NELL1: variants seen among roughly 807,000 people sequenced by gnomAD.
NELL1 encodes the protein protein kinase C-binding protein NELL1.
NELL1 carries 76 observed loss-of-function variants against 107.4 expected under a neutral mutation model. The observed-to-expected ratio is 0.71, with a 90% CI of 0.59 to 0.86. The LOEUF is 0.86. Ranked by LOEUF, NELL1 falls within the 40% of genes least tolerant of loss-of-function variation. NELL1 has a pLI of 0.00. For missense variants in NELL1, 1,024 were observed against 1,005.5 expected (o/e 1.02, Z -0.25); for synonymous variants, 353 against 341.2 (o/e 1.03, Z -0.38).
At chr11:20,928,511 C>G (rs775260354) in intron 9 of NELL1, 32 bp downstream of exon 9, 34 of 1,524,102 alleles carry the variant, frequency 2.2e-5, no homozygotes, top group African/African-American at 5.5e-5. Context: ...GACTGGCTGT[C>G]TGTGTTTTGA....
intron 13 of NELL1, among the ~76,000 whole-genome samples, chr11:21,131,225 A>G (rs1020802893): frequency 6.6e-6 from 1 of 152,178 alleles, no homozygotes; most frequent in Non-Finnish European, 1.5e-5. Context: ...TTTAATTTAT[A>G]TTATCTATAA....
At chr11:20,835,173 T>C (rs1435735477) in intron 3 of NELL1, among the ~76,000 whole-genome samples, 1 of 152,232 alleles carries the variant, frequency 6.6e-6, no homozygotes, top group Non-Finnish European at 1.5e-5. Context: ...AGCTTCTTTT[T>C]GAAACGTTCT....
At chr11:21,467,487 GAA>G (rs1174668113) in intron 15 of NELL1, among the ~76,000 whole-genome samples, 3 of 152,010 alleles carry the variant, frequency 2.0e-5, no homozygotes, top group Non-Finnish European at 2.9e-5. Context: ...TCAACTGTAA[GAA>G]AAAGTGTTGG....
In NELL1 at chr11:21,085,040, A is replaced by G. The variant is rs1357890798; in HGVS notation, c.1301-28549A>G. ...TTTTATGGTGTAGGAATTAAAGGTG[A>G]TAATTCATACAATATATTTATAACA... On this transcript the variant is annotated intron_variant, in intron 12 of 19. Coordinates refer to ENST00000357134, the MANE Select transcript of NELL1 (RefSeq NM_006157.5). 2.0e-5 allele frequency among the ~76,000 whole-genome samples: 3 copies of G among 152,226 alleles called. No individual in the cohort carries two copies. The East Asian group carries it at 5.8e-4, about 29-fold the overall frequency.
At chr11:20,933,071 C>T (rs1850651410) in intron 9 of NELL1, among the ~76,000 whole-genome samples, 1 of 152,184 alleles carries the variant, frequency 6.6e-6, no homozygotes, top group East Asian at 1.9e-4. Context: ...GGTTTTGGTA[C>T]TGCAATCAAG....
chr11:20,972,174 A>T (rs1448439919), intron 12 of NELL1, among the ~76,000 whole-genome samples: 1 of 152,220 alleles, frequency 6.6e-6, no homozygotes, highest in Admixed American at 6.5e-5. Context: ...ACCTGTACAT[A>T]TATCCCAGAA....
intron 3 of NELL1, among the ~76,000 whole-genome samples, chr11:20,790,170 A>T (rs1420317534): frequency 6.6e-6 from 1 of 152,158 alleles, no homozygotes; most frequent in Non-Finnish European, 1.5e-5. Flanking sequence ...GGAGCCAGCC[A>T]CTTCCACCCA....
In NELL1 at chr11:20,687,040, T is replaced by C. The variant is rs182228771; in HGVS notation, c.184+8980T>C. ...TCTGGTCTGTTTTGGGATCTCTCTC[T>C]CTCTCTTTTTTTTTTTTTCAAATTT... On this transcript the variant is annotated intron_variant, in intron 2 of 19. Coordinates refer to ENST00000357134, the MANE Select transcript of NELL1 (RefSeq NM_006157.5). Among the ~76,000 whole-genome samples, 597 of 121,250 alleles carry C rather than the reference T, an allele frequency of 4.9e-3. 6 individuals are homozygous for C. The highest frequency in any genetic ancestry group is 0.022 in the African/African-American group (580 of 26,382). The allele number at this position is 121,250 out of a possible 152,430, so 79.5% of individuals were successfully genotyped here.
intron 11 of NELL1, among the ~76,000 whole-genome samples, chr11:20,956,633 G>A (rs1482400078): frequency 8.2e-5 from 12 of 146,112 alleles, no homozygotes; most frequent in East Asian, 4.0e-4. Flanking sequence ...GCAACAGAGC[G>A]AGACTCCATC....
At chr11:21,361,971 A>C (rs1339134572) in intron 14 of NELL1, among the ~76,000 whole-genome samples, 5 of 152,090 alleles carry the variant, frequency 3.3e-5, no homozygotes, top group Non-Finnish European at 7.4e-5. Context: ...CAACCTTTCA[A>C]ATTCTTTATC....
chr11:21,242,750 A>G (rs1362594829), intron 14 of NELL1, among the ~76,000 whole-genome samples: 14 of 152,148 alleles, frequency 9.2e-5, no homozygotes, highest in Non-Finnish European at 2.1e-4. Context: ...CTCTGGCTTC[A>G]ATCAAATTAA....
chr11:20,694,617 G>T (rs1358866180), intron 2 of NELL1, among the ~76,000 whole-genome samples: 2 of 151,968 alleles, frequency 1.3e-5, no homozygotes, highest in Non-Finnish European at 2.9e-5. Context: ...CTGTTCTATT[G>T]GTCTATGTGC....
intron 4 of NELL1, among the ~76,000 whole-genome samples, chr11:20,866,879 T>C (rs990375882): frequency 6.6e-6 from 1 of 152,252 alleles, no homozygotes; most frequent in African/African-American, 2.4e-5. Context: ...CTCGAACTTA[T>C]TTTAATGCTG....
intron 12 of NELL1, among the ~76,000 whole-genome samples, chr11:21,091,895 A>G (rs548947098): frequency 6.6e-6 from 1 of 152,330 alleles, no homozygotes; most frequent in East Asian, 1.9e-4. Context: ...CCCTAAGTCA[A>G]GGACGTGTAC....
intron 15 of NELL1, among the ~76,000 whole-genome samples, chr11:21,402,021 C>A (rs1852108819): frequency 6.6e-6 from 1 of 151,706 alleles, no homozygotes; most frequent in East Asian, 2.0e-4. Flanking sequence ...TCATTTAAAT[C>A]TTAGAAAAGT....
chr11:20,679,786 C>A (rs1207639823), intron 2 of NELL1, among the ~76,000 whole-genome samples: 1 of 152,128 alleles, frequency 6.6e-6, no homozygotes, highest in Non-Finnish European at 1.5e-5. Flanking sequence ...CTAGATACTC[C>A]TAGATCCTCA....
intron 12 of NELL1, among the ~76,000 whole-genome samples, chr11:21,010,678 G>T (rs1852427241): frequency 6.6e-6 from 1 of 152,040 alleles, no homozygotes; most frequent in South Asian, 2.1e-4. Flanking sequence ...TTAAAAATAG[G>T]CTAAATAGGG....
At chr11:20,894,203 A>G (rs1849677573) in intron 5 of NELL1, among the ~76,000 whole-genome samples, 1 of 152,258 alleles carries the variant, frequency 6.6e-6, no homozygotes, top group South Asian at 2.1e-4. Context: ...AGAATACTTT[A>G]TGACCTCGAT....
At chr11:20,731,007 CTG>C (rs1855626775) in intron 2 of NELL1, among the ~76,000 whole-genome samples, 1 of 152,166 alleles carries the variant, frequency 6.6e-6, no homozygotes, top group African/African-American at 2.4e-5. Context: ...TTGTTCTTTT[CTG>C]TGATTCTAAA....
Sources: allele counts gnomAD v4.1 joint callset (sites outside exome capture counted in the v4.1 genomes callset), GRCh38; gene constraint gnomAD v4.1.1; transcripts MANE v1.5; gene names NCBI Gene and HGNC (gene_info 2026-07-23, HGNC 2026-07-21).